Variants in ADARB2 observed in about 807,000 individuals in gnomAD.
The protein encoded by ADARB2 is inactive double-stranded RNA-specific editase B2.
Under a neutral mutation model 62.2 loss-of-function variants are expected in ADARB2, and 25 were observed. The observed-to-expected ratio is 0.40, with a 90% CI of 0.29 to 0.56. The LOEUF (loss-of-function observed/expected upper bound fraction) is 0.56. Among genes scored for constraint, ADARB2 ranks in the 20% least tolerant of loss-of-function variants. The probability of loss-of-function intolerance (pLI) is 0.43; values close to 1 mark genes in which losing one functional copy is unlikely to be tolerated. For missense variants in ADARB2, 1,071 were observed against 1,077.4 expected (o/e 0.99, Z 0.08); for synonymous variants, 572 against 500.8 (o/e 1.14, Z -1.90).
chr10:1,221,899 C>T (rs1317448820), intron 6 of ADARB2, among the ~76,000 whole-genome samples: 1 of 152,154 alleles, frequency 6.6e-6, no homozygotes, highest in Non-Finnish European at 1.5e-5. Flanking sequence ...GTCTTTATAG[C>T]AGCATGATTT....
At chr10:1,350,665 C>T (rs553464906) in intron 3 of ADARB2, among the ~76,000 whole-genome samples, 52 of 152,296 alleles carry the variant, frequency 3.4e-4, no homozygotes, top group African/African-American at 1.2e-3. Context: ...CAGCCCAGTT[C>T]ATGGCTCGTT....
At chr10:1,270,882 C>T in intron 4 of ADARB2, 73 bp downstream of exon 4, 2 of 1,376,610 alleles carry the variant, frequency 1.5e-6, no homozygotes, top group Non-Finnish European at 2.0e-6. Context: ...CTTTTGGCCT[C>T]CAAGATCAGG....
intron 4 of ADARB2, among the ~76,000 whole-genome samples, chr10:1,256,217 C>G (rs1589166862): frequency 6.6e-6 from 1 of 152,226 alleles, no homozygotes; most frequent in East Asian, 1.9e-4. Context: ...CTCACTGGCT[C>G]TGCTGTGGAG....
intron 1 of ADARB2, among the ~76,000 whole-genome samples, chr10:1,580,937 A>T (rs2676727): frequency 0.55 from 82,931 of 152,096 alleles, 22,794 homozygotes; most frequent in East Asian, 0.65. Flanking sequence ...TGAATCATGC[A>T]CCATCGTGCG....
At chr10:1,665,720 CG>C (rs1344740048) in intron 1 of ADARB2, among the ~76,000 whole-genome samples, 1 of 152,200 alleles carries the variant, frequency 6.6e-6, no homozygotes, top group Non-Finnish European at 1.5e-5. Flanking sequence ...TGGCACAGGC[CG>C]GGGTCCGGGG....
chr10:1,663,873 C>T (rs767560977), intron 1 of ADARB2, among the ~76,000 whole-genome samples: 1 of 152,224 alleles, frequency 6.6e-6, no homozygotes, highest in Non-Finnish European at 1.5e-5. Context: ...TTGCCTCGGA[C>T]TCCCAAAGTG....
At chr10:1,389,046 GA>G (rs1348455396) in intron 1 of ADARB2, among the ~76,000 whole-genome samples, 2 of 152,170 alleles carry the variant, frequency 1.3e-5, no homozygotes, top group Non-Finnish European at 2.9e-5. Flanking sequence ...AGTTGATGAA[GA>G]AAGTCTTTTT....
intron 1 of ADARB2, among the ~76,000 whole-genome samples, chr10:1,379,691 C>T (rs1384884400): frequency 6.6e-6 from 1 of 152,156 alleles, no homozygotes; most frequent in African/African-American, 2.4e-5. Flanking sequence ...AGGGAGCTAG[C>T]GGTGTGGGGC....
intron 1 of ADARB2, among the ~76,000 whole-genome samples, chr10:1,448,729 C>T (rs563767492): frequency 6.6e-6 from 1 of 152,258 alleles, no homozygotes; most frequent in South Asian, 2.1e-4. Context: ...GAACTCTGTG[C>T]CTTATATGGC....
At chr10:1,297,944 C>T (rs533033177) in intron 3 of ADARB2, among the ~76,000 whole-genome samples, 1 of 152,346 alleles carries the variant, frequency 6.6e-6, no homozygotes, top group African/African-American at 2.4e-5. Context: ...ACCTGGAGGT[C>T]AGCTCTGGTT....
chr10:1,372,614 T>G (rs1832383141), intron 2 of ADARB2, among the ~76,000 whole-genome samples: 1 of 152,138 alleles, frequency 6.6e-6, no homozygotes, highest in Non-Finnish European at 1.5e-5. Flanking sequence ...CACAGGGTGG[T>G]GCCAGGGATT....
intron 3 of ADARB2, among the ~76,000 whole-genome samples, chr10:1,327,470 A>C (rs113007411): frequency 0.022 from 370 of 16,516 alleles, 9 homozygotes; most frequent in African/African-American, 0.04. Flanking sequence ...TCCTCACTGC[A>C]CAGCGCCTCC....
At chr10:1,305,351 G>C (rs1334490074) in intron 3 of ADARB2, among the ~76,000 whole-genome samples, 11 of 152,058 alleles carry the variant, frequency 7.2e-5, no homozygotes, top group East Asian at 1.9e-4. Context: ...GACTAAACCA[G>C]GAAGAAGTTG....
rs529746371 is a variant in ADARB2 at position 1,383,750 on chromosome 10, G to A, written c.101-4590C>T. On this transcript the variant is annotated intron_variant, in intron 1 of 9. Coordinates refer to ENST00000381312, the MANE Select transcript of ADARB2 (RefSeq NM_018702.4). ...GAATCTGAGACATTGAGAAGTTAGC[G>A]GATGTGCCCAGGACTATCTATAAGG... 1.6e-3 allele frequency among the ~76,000 whole-genome samples: 249 copies of A among 152,306 alleles called. 1 individual carries two copies. The highest frequency in any genetic ancestry group is 5.8e-3 in the African/African-American group (243 of 41,560).
At chr10:1,537,257 C>G (rs1331941885) in intron 1 of ADARB2, among the ~76,000 whole-genome samples, 1 of 152,204 alleles carries the variant, frequency 6.6e-6, no homozygotes, top group South Asian at 2.1e-4. Context: ...CAAAACCACA[C>G]TGAGATGCCA....
At chr10:1,615,639 C>T (rs554882964) in intron 1 of ADARB2, among the ~76,000 whole-genome samples, 1 of 152,206 alleles carries the variant, frequency 6.6e-6, no homozygotes, top group Admixed American at 6.5e-5. Context: ...TTTCTTCCAC[C>T]CCCAGGACTT....
chr10:1,190,139 G>A (rs1388464872), intron 8 of ADARB2, among the ~76,000 whole-genome samples: 1 of 151,456 alleles, frequency 6.6e-6, no homozygotes, highest in African/African-American at 2.5e-5. Context: ...GCACGCAGGA[G>A]TCTGAACTCA....
At chr10:1,206,879 C>T (rs983562396) in intron 7 of ADARB2, among the ~76,000 whole-genome samples, 3 of 152,314 alleles carry the variant, frequency 2.0e-5, no homozygotes, top group Admixed American at 6.5e-5. Flanking sequence ...GCATCTGGGC[C>T]GGGTCCCCCC....
At chr10:1,553,019 C>G (rs894079956) in intron 1 of ADARB2, among the ~76,000 whole-genome samples, 1 of 152,202 alleles carries the variant, frequency 6.6e-6, no homozygotes, top group African/African-American at 2.4e-5. Context: ...GTGGGAACAT[C>G]CTGGGACATG....
Sources: gnomAD v4.1 joint callset for allele counts (sites outside exome capture counted in the v4.1 genomes callset) on GRCh38, gnomAD v4.1.1 for gene constraint, MANE v1.5 for transcripts, NCBI Gene and HGNC (gene_info 2026-07-23, HGNC 2026-07-21) for gene names.